Variants in PGBD2 observed in about 807,000 individuals in gnomAD.
PGBD2 encodes piggyBac transposable element derived 2.
A neutral mutation model predicts 8.1 loss-of-function variants in PGBD2; 6 were observed. That is an observed-to-expected ratio of 0.74 (90% CI 0.40 to 1.46). The LOEUF is 1.46. Ranked by LOEUF, PGBD2 falls within the 40% of genes most tolerant of loss-of-function variation. The pLI is 0.02. For synonymous variants in PGBD2, 318 were observed against 272.2 expected (o/e 1.17, Z -1.66); for missense variants, 802 against 739.0 (o/e 1.09, Z -0.99).
At chr1:248,873,536 C>T in the PGBD2 span, among the ~76,000 whole-genome samples, 2 of 152,262 alleles carry the variant, frequency 1.3e-5, no homozygotes, top group Non-Finnish European at 2.9e-5. Flanking sequence ...AGAGTTTCCC[C>T]AGCTTGGGCC....
chr1:248,918,085 C>G lies in PGBD2; in HGVS notation c.1501C>G (p.Leu501Val). ...TGCTGCCCTCAACAATGCATGGCAG[C>G]TGCATAGAATCTGCTGCCAAGATGC... ...IDAALNNAWQ[L>V]HRICCQDAQV... Residue 501 changes from leucine to valine, a missense_variant, in exon 3 of 3, where the codon CTG becomes GTG. Leu to Val is a conservative substitution (Grantham distance 32). Transcript: ENST00000329291. 1.9e-6 allele frequency: 3 copies of G among 1,614,218 alleles called. No homozygotes were observed. The highest frequency in any genetic ancestry group is 2.5e-6 in the Non-Finnish European group (3 of 1,180,048).
chr1:248,892,832 A>T, the PGBD2 span, among the ~76,000 whole-genome samples: 1 of 152,326 alleles, frequency 6.6e-6, no homozygotes, highest in African/African-American at 2.4e-5. Flanking sequence ...TTGGAGACTC[A>T]GGCTAACCAC....
the PGBD2 span, among the ~76,000 whole-genome samples, chr1:248,877,124 T>A: frequency 3.3e-5 from 5 of 152,318 alleles, no homozygotes; most frequent in East Asian, 5.8e-4. Context: ...CACCATGAGT[T>A]CCTGGAAGAT....
chr1:248,877,113 C>A, the PGBD2 span, among the ~76,000 whole-genome samples: 1 of 152,080 alleles, frequency 6.6e-6, no homozygotes, highest in African/African-American at 2.4e-5. Flanking sequence ...GTGTCCAGGA[C>A]CACCATGAGT....
At chr1:248,895,928 C>T in the PGBD2 span, among the ~76,000 whole-genome samples, 4 of 151,682 alleles carry the variant, frequency 2.6e-5, no homozygotes, top group African/African-American at 7.3e-5. Context: ...CCTTGTGATC[C>T]GCTCACCTCG....
intron 2 of PGBD2, among the ~76,000 whole-genome samples, chr1:248,916,238 C>G (rs1351884141): frequency 6.6e-6 from 1 of 151,850 alleles, no homozygotes; most frequent in Non-Finnish European, 1.5e-5. Context: ...ACGGTGAAAC[C>G]CCATCTCTAC....
At chr1:248,890,594 C>A in the PGBD2 span, among the ~76,000 whole-genome samples, 2 of 152,042 alleles carry the variant, frequency 1.3e-5, no homozygotes, top group Non-Finnish European at 2.9e-5. Flanking sequence ...TCACTCACCC[C>A]ACACACTACA....
intron 1 of PGBD2, among the ~76,000 whole-genome samples, chr1:248,906,743 G>A (rs994817793): frequency 3.3e-5 from 5 of 151,978 alleles, no homozygotes; most frequent in African/African-American, 1.2e-4. Context: ...TCCTGGGGCG[G>A]GGTGGCTCTG....
chr1:248,876,064 A>C, the PGBD2 span, among the ~76,000 whole-genome samples: 1 of 150,356 alleles, frequency 6.7e-6, no homozygotes, highest in African/African-American at 2.4e-5. Flanking sequence ...GCTGGAGTGC[A>C]ATGGTGTGAT....
upstream of PGBD2, chr1:248,906,205 CG>C (rs1661625725): frequency 6.6e-6 from 1 of 151,800 alleles, no homozygotes; most frequent in Admixed American, 6.6e-5. Context: ...CATGGAAGGC[CG>C]GCCGAGGTGC....
At position 248,914,652 on chromosome 1, in the gene PGBD2, A is replaced by C. The variant is rs943346309; in HGVS notation, c.17+773A>C. 5.6e-6 allele frequency: 7 copies of C among 1,242,150 alleles called. No homozygotes were observed. In the Admixed American group the frequency reaches 1.6e-4, roughly 29 times the overall value. The allele number at this position is 1,242,150 out of a possible 1,614,324, so 76.9% of individuals were successfully genotyped here. A position where few individuals can be genotyped will look rare whatever the true frequency, so the allele number is the denominator to read the frequency against. ...GAGGTTGGGGCCTGCAAAGGGGCACAGGGAAGCTGCAGGGACCTCTGTGCC... is the reference window on the plus strand; with the variant it reads ...GAGGTTGGGGCCTGCAAAGGGGCACCGGGAAGCTGCAGGGACCTCTGTGCC... On this transcript the variant is annotated intron_variant, in intron 2 of 2. Transcript: ENST00000329291.
chr1:248,925,738 C>T, the PGBD2 span, among the ~76,000 whole-genome samples: 1 of 151,800 alleles, frequency 6.6e-6, no homozygotes, highest in African/African-American at 2.4e-5. Context: ...CAGAAATAGA[C>T]AGACAGAGAA....
the PGBD2 span, among the ~76,000 whole-genome samples, chr1:248,882,681 C>G: frequency 1.3e-5 from 2 of 152,172 alleles, no homozygotes; most frequent in Non-Finnish European, 2.9e-5. Context: ...GGGTTGCATT[C>G]CATTCCCAGA....
downstream of PGBD2, among the ~76,000 whole-genome samples, chr1:248,922,226 G>GT (rs1558292659): frequency 6.6e-6 from 1 of 151,874 alleles, no homozygotes; most frequent in African/African-American, 2.4e-5. Flanking sequence ...TGCCCAGCTA[G>GT]TTTTTTGTAT....
At chr1:248,914,051 G>A (rs1219347187) in intron 2 of PGBD2, among the ~76,000 whole-genome samples, 172 bp downstream of exon 2, 2 of 152,170 alleles carry the variant, frequency 1.3e-5, no homozygotes, top group African/African-American at 4.8e-5. Context: ...AATGGGAAAA[G>A]GCTGACAGTT....
chr1:248,906,950 A>T (rs1213027156), intron 1 of PGBD2, among the ~76,000 whole-genome samples: 1 of 152,096 alleles, frequency 6.6e-6, no homozygotes, highest in South Asian at 2.1e-4. Flanking sequence ...CCTGTGGGAT[A>T]TCTTGTCAGG....
chr1:248,917,205 ACAT>A lies in PGBD2; in HGVS notation c.629_631del (p.His210del), dbSNP rs745320959. On this transcript the variant is annotated inframe_deletion, in exon 3 of 3. Transcript: ENST00000329291. Reference sequence around the variant, plus strand: ...TGTTCTGGGAAACCTCTCCCGATTCACATCATCATCTTGTGGCTGATGCAATTA... The same window carrying A: ...TGTTCTGGGAAACCTCTCCCGATTCACATCATCTTGTGGCTGATGCAATTA... The A allele has an allele frequency of 2.5e-6, 4 of 1,614,180 alleles. No homozygotes were observed. In the South Asian group the frequency reaches 3.3e-5, roughly 13 times the overall value.
the PGBD2 span, among the ~76,000 whole-genome samples, chr1:248,874,251 C>G: frequency 6.6e-5 from 10 of 152,298 alleles, no homozygotes; most frequent in Admixed American, 1.3e-4. Flanking sequence ...CATGTCTTCC[C>G]TGGTGGTCTA....
At chr1:248,878,221 C>A in the PGBD2 span, among the ~76,000 whole-genome samples, 1 of 151,800 alleles carries the variant, frequency 6.6e-6, no homozygotes, top group East Asian at 1.9e-4. Context: ...GCTCTGTCGC[C>A]CAGGCTGGAG....
Sources: allele counts gnomAD v4.1 joint callset (sites outside exome capture counted in the v4.1 genomes callset), GRCh38; gene constraint gnomAD v4.1.1; transcripts MANE v1.5; gene names NCBI Gene and HGNC (gene_info 2026-07-23, HGNC 2026-07-21).